The following THEMIS variants were observed in gnomAD, a reference collection of about 807,000 sequenced individuals.
THEMIS encodes protein THEMIS.
A neutral mutation model predicts 52.6 loss-of-function variants in THEMIS; 37 were observed. The observed-to-expected ratio is 0.70, with a 90% CI of 0.54 to 0.93. The LOEUF (loss-of-function observed/expected upper bound fraction) is 0.93. Ranked by LOEUF, THEMIS falls within the 40% of genes least tolerant of loss-of-function variation. THEMIS has a pLI of 0.00. For synonymous variants in THEMIS, 292 were observed against 272.7 expected (o/e 1.07, Z -0.70); for missense variants, 808 against 763.1 (o/e 1.06, Z -0.69).
At chr6:127,793,644 C>A (rs1404150217) in intron 4 of THEMIS, among the ~76,000 whole-genome samples, 1 of 152,088 alleles carries the variant, frequency 6.6e-6, no homozygotes, top group Non-Finnish European at 1.5e-5. Context: ...TGTTTCCTGT[C>A]TTTAAAATTT....
At chr6:127,783,615 C>T (rs2114490726) in intron 4 of THEMIS, among the ~76,000 whole-genome samples, 1 of 152,094 alleles carries the variant, frequency 6.6e-6, no homozygotes, top group East Asian at 1.9e-4. Context: ...ATTTATGCAG[C>T]CAAAAAAACA....
At chr6:127,804,110 G>A (rs1191332800) in intron 4 of THEMIS, among the ~76,000 whole-genome samples, 1 of 152,008 alleles carries the variant, frequency 6.6e-6, no homozygotes, top group Non-Finnish European at 1.5e-5. Flanking sequence ...GACATATATA[G>A]AAAAGAGACC....
chr6:127,760,762 G>A (rs1035548235), intron 4 of THEMIS, among the ~76,000 whole-genome samples: 1 of 151,992 alleles, frequency 6.6e-6, no homozygotes, highest in Non-Finnish European at 1.5e-5. Flanking sequence ...GTATAACAGA[G>A]TGAGACCCTG....
chr6:127,781,200 G>A (rs1776731928), intron 4 of THEMIS, among the ~76,000 whole-genome samples: 1 of 151,636 alleles, frequency 6.6e-6, no homozygotes, highest in Non-Finnish European at 1.5e-5. Context: ...TGATACTTGT[G>A]TATGCTTCAC....
intron 5 of THEMIS, among the ~76,000 whole-genome samples, chr6:127,716,967 T>C (rs1326476936): frequency 6.6e-6 from 1 of 151,922 alleles, no homozygotes; most frequent in Non-Finnish European, 1.5e-5. Flanking sequence ...GGCTATAACA[T>C]TTCCAAGAGC....
chr6:127,737,748 G>A (rs1360447498), intron 4 of THEMIS, among the ~76,000 whole-genome samples: 1 of 152,156 alleles, frequency 6.6e-6, no homozygotes, highest in East Asian at 1.9e-4. Context: ...ATAAACAACT[G>A]AGAATTAATC....
intron 1 of THEMIS, among the ~76,000 whole-genome samples, chr6:127,899,643 T>C (rs1049966269): frequency 1.3e-5 from 2 of 151,686 alleles, no homozygotes; most frequent in East Asian, 1.9e-4. Context: ...ACCGTAAAGT[T>C]GATAAAAACA....
At chr6:127,816,594 C>T (rs1778143506) in intron 3 of THEMIS, among the ~76,000 whole-genome samples, 1 of 152,176 alleles carries the variant, frequency 6.6e-6, no homozygotes, top group Non-Finnish European at 1.5e-5. Flanking sequence ...TATCTTACAT[C>T]AGGACTATCC....
chr6:127,744,983 C>T (rs1329392121), intron 4 of THEMIS, among the ~76,000 whole-genome samples: 4 of 151,524 alleles, frequency 2.6e-5, no homozygotes, highest in Non-Finnish European at 5.9e-5. Flanking sequence ...AATGGTATAC[C>T]TTAAATATGT....
At chr6:127,796,429 G>A (rs114930447) in intron 4 of THEMIS, among the ~76,000 whole-genome samples, 2,745 of 152,214 alleles carry the variant, frequency 0.018, 109 homozygotes, top group African/African-American at 0.063. Context: ...TTGATAGCTT[G>A]AGGCACTAAA....
At chr6:127,745,338 T>A (rs1284498411) in intron 4 of THEMIS, among the ~76,000 whole-genome samples, 1 of 151,790 alleles carries the variant, frequency 6.6e-6, no homozygotes, top group African/African-American at 2.4e-5. Flanking sequence ...AAATTGACAA[T>A]CAAAATGCCC....
chr6:127,822,552 T>G (rs1778375803), intron 3 of THEMIS, among the ~76,000 whole-genome samples: 1 of 152,130 alleles, frequency 6.6e-6, no homozygotes, highest in Admixed American at 6.5e-5. Flanking sequence ...ACTTTGACTT[T>G]TACATTTTAA....
At chr6:127,851,269 A>G (rs1779415079) in intron 2 of THEMIS, among the ~76,000 whole-genome samples, 1 of 151,546 alleles carries the variant, frequency 6.6e-6, no homozygotes, top group South Asian at 2.1e-4. Flanking sequence ...AATTTGATGA[A>G]AAACAATCTA....
In THEMIS at chr6:127,855,091, A is replaced by C; in HGVS notation, c.189T>G (p.Ile63Met). The C allele has an allele frequency of 6.2e-7, 1 of 1,611,448 alleles. No homozygotes were observed. Among genetic ancestry groups the C allele is most frequent in the Non-Finnish European group, 8.5e-7 (1 of 1,178,572 alleles). The change falls in exon 2 of 6, where the codon ATT becomes ATG. Residue 63 changes from isoleucine to methionine, a missense_variant. By Grantham distance (10) the Ile-to-Met change is conservative. Coordinates refer to ENST00000368248, the MANE Select transcript of THEMIS (RefSeq NM_001010923.3). ...ACTCACAACCTTCAATCTGCTCACA[A>C]ATTTCAGCTATGATCTTCTTAACTT... is the stretch of plus-strand genomic sequence containing the variant. ...GLKVKKIIAE[I>M]CEQIEGCESL...
intron 4 of THEMIS, among the ~76,000 whole-genome samples, chr6:127,810,376 G>A (rs1402284862): frequency 1.3e-5 from 2 of 152,064 alleles, no homozygotes; most frequent in African/African-American, 4.8e-5. Context: ...TCATATGCTG[G>A]AAACTTAATC....
downstream of THEMIS, among the ~76,000 whole-genome samples, chr6:127,705,595 A>G (rs1773788984): frequency 6.6e-6 from 1 of 152,176 alleles, no homozygotes; most frequent in African/African-American, 2.4e-5. Context: ...CATAACTGAA[A>G]TTGAAATATA....
intron 2 of THEMIS, among the ~76,000 whole-genome samples, chr6:127,854,592 C>T (rs1779552932): frequency 6.6e-6 from 1 of 151,762 alleles, no homozygotes; most frequent in Non-Finnish European, 1.5e-5. Context: ...ACCAGGCCGA[C>T]TTTTCAGTAA....
intron 4 of THEMIS, among the ~76,000 whole-genome samples, chr6:127,721,663 C>A: frequency 6.6e-6 from 1 of 151,968 alleles, no homozygotes; most frequent in East Asian, 1.9e-4. Flanking sequence ...AAAATATAAG[C>A]CCATCACTGT....
At chr6:127,721,051 C>T (rs932395582) in intron 4 of THEMIS, among the ~76,000 whole-genome samples, 1 of 151,938 alleles carries the variant, frequency 6.6e-6, no homozygotes, top group East Asian at 1.9e-4. Flanking sequence ...TTGAAAGAGG[C>T]TTGCACAATT....
Sources: allele counts gnomAD v4.1 joint callset (sites outside exome capture counted in the v4.1 genomes callset), GRCh38; gene constraint gnomAD v4.1.1; transcripts MANE v1.5; gene names NCBI Gene and HGNC (gene_info 2026-07-23, HGNC 2026-07-21).